OR10J1: variants seen among roughly 807,000 people sequenced by gnomAD.
OR10J1 encodes the protein olfactory receptor family 10 subfamily J member 1.
For synonymous variants in OR10J1, 202 were observed against 143.8 expected (o/e 1.40, Z -2.89); for missense variants, 474 against 376.6 (o/e 1.26, Z -2.14).
upstream of OR10J1, among the ~76,000 whole-genome samples, chr1:159,433,942 A>T (rs1655662714): frequency 6.6e-6 from 1 of 152,220 alleles, no homozygotes; most frequent in Non-Finnish European, 1.5e-5. Flanking sequence ...GTGAGAAGCT[A>T]AAATACATTA....
chr1:159,440,272 AC>A lies in OR10J1; in HGVS notation c.482del (p.Thr161AsnfsTer23), dbSNP rs1329745997. The A allele has an allele frequency of 3.1e-6, 5 of 1,614,010 alleles. No individual in the cohort carries two copies. The South Asian group carries it at 5.5e-5, about 18-fold the overall frequency. On this transcript the variant is annotated frameshift_variant, in exon 1 of 1. Transcript: ENST00000423932. LOFTEE classifies it low-confidence loss of function (END_TRUNC). Reference protein sequence around the residue: ...IGLIVAITQVTSVFRLPFCAR... With the variant: ...IGLIVAITQVXSVFRLPFCAR... ...GCTGATTGTAGCAATAACGCAAGTG[AC>A]ATCTGTATTCAGGTTACCCTTCTGT...
chr1:159,412,373 C>T, the OR10J1 span, among the ~76,000 whole-genome samples: 33 of 142,288 alleles, frequency 2.3e-4, no homozygotes, highest in South Asian at 1.6e-3. Flanking sequence ...GAGCCCGCAT[C>T]GCCAAGTCAA....
chr1:159,418,184 C>G, the OR10J1 span, among the ~76,000 whole-genome samples: 1 of 152,190 alleles, frequency 6.6e-6, no homozygotes, highest in Non-Finnish European at 1.5e-5. Context: ...AGGAGAAATT[C>G]AAGCCAGCTG....
chr1:159,403,141 T>C, the OR10J1 span, among the ~76,000 whole-genome samples: 1 of 152,084 alleles, frequency 6.6e-6, no homozygotes, highest in East Asian at 1.9e-4. Context: ...ATCTAGGGCC[T>C]CAAACCATGA....
At chr1:159,424,450 A>G in the OR10J1 span, among the ~76,000 whole-genome samples, 1 of 147,906 alleles carries the variant, frequency 6.8e-6, no homozygotes, top group Non-Finnish European at 1.5e-5. Context: ...ATAAATATGT[A>G]AATATATAAT....
the OR10J1 span, among the ~76,000 whole-genome samples, chr1:159,401,130 T>C: frequency 1.3e-5 from 2 of 151,318 alleles, no homozygotes; most frequent in African/African-American, 4.9e-5. Flanking sequence ...TTTTCAGCTA[T>C]AAGTGCCTGC....
the OR10J1 span, among the ~76,000 whole-genome samples, chr1:159,431,427 C>T: frequency 6.6e-6 from 1 of 152,344 alleles, no homozygotes; most frequent in East Asian, 1.9e-4. Context: ...AGGAGTGCGC[C>T]TCACACAGCC....
In OR10J1 at chr1:159,440,014, T is replaced by C. The variant is rs765146210; in HGVS notation, c.223T>C (p.Leu75=). ...GTCCACTTCAGAGACTGTATATACA[T>C]TGGTCATTCTCCCAAGAATGCTCTC... ...MLSTSETVYT[L]VILPRMLSSL... is the part of the protein sequence containing the mutation. The change falls in exon 1 of 1, where the codon TTG becomes CTG. Residue 75 remains leucine, a synonymous_variant. Coordinates refer to ENST00000423932, the MANE Select transcript of OR10J1 (RefSeq NM_012351.3). The C allele has an allele frequency of 1.9e-6, 3 of 1,614,172 alleles. No homozygotes were observed. Among genetic ancestry groups the C allele is most frequent in the Non-Finnish European group, 2.5e-6 (3 of 1,180,032 alleles).
the OR10J1 span, among the ~76,000 whole-genome samples, chr1:159,411,300 T>G: frequency 1.3e-5 from 2 of 152,186 alleles, no homozygotes; most frequent in Non-Finnish European, 2.9e-5. Flanking sequence ...CAGTGGAGTG[T>G]TAAAGTCTCC....
chr1:159,417,930 G>A, the OR10J1 span, among the ~76,000 whole-genome samples: 2 of 152,160 alleles, frequency 1.3e-5, no homozygotes, highest in Admixed American at 1.3e-4. Flanking sequence ...TGGAGTAAAG[G>A]TGATTCTTGT....
At chr1:159,411,052 T>C in the OR10J1 span, among the ~76,000 whole-genome samples, 1 of 152,212 alleles carries the variant, frequency 6.6e-6, no homozygotes, top group African/African-American at 2.4e-5. Context: ...GATTGCACTG[T>C]GGTCTGAGAG....
chr1:159,428,572 G>T, the OR10J1 span, among the ~76,000 whole-genome samples: 1 of 152,138 alleles, frequency 6.6e-6, no homozygotes, highest in African/African-American at 2.4e-5. Context: ...AAGACTTGCT[G>T]CCCAACTTTA....
chr1:159,418,476 T>C, the OR10J1 span, among the ~76,000 whole-genome samples: 5 of 152,114 alleles, frequency 3.3e-5, no homozygotes, highest in African/African-American at 1.2e-4. Context: ...GCAGCTGCCA[T>C]GTGGTGTCGA....
Position 159,440,861 on chromosome 1 carries a change from G to C in OR10J1, c.*140G>C. On this transcript the variant is annotated 3_prime_UTR_variant, in exon 1 of 1. Coordinates refer to ENST00000423932, the MANE Select transcript of OR10J1 (RefSeq NM_012351.3). Reference sequence around the variant, plus strand: ...GAGGAATAGCAGTTTCATACAACTGGGAGTCTGAAGCTTTAAATAAAGTTA... The same window carrying C: ...GAGGAATAGCAGTTTCATACAACTGCGAGTCTGAAGCTTTAAATAAAGTTA... 1 of 840,792 alleles carries C rather than the reference G, an allele frequency of 1.2e-6. No homozygotes were observed. Among genetic ancestry groups the C allele is most frequent in the Non-Finnish European group, 1.8e-6 (1 of 557,584 alleles). 52.1% of individuals were successfully genotyped at this position (840,792 alleles called of 1,614,324 possible). A position where few individuals can be genotyped will look rare whatever the true frequency, so the allele number is the denominator to read the frequency against.
chr1:159,436,167 C>T (rs192733797), upstream of OR10J1, among the ~76,000 whole-genome samples: 28 of 151,946 alleles, frequency 1.8e-4, no homozygotes, highest in Non-Finnish European at 1.9e-4. Flanking sequence ...ATCATAAAGT[C>T]TTGAGCTCTT....
the OR10J1 span, among the ~76,000 whole-genome samples, chr1:159,429,088 G>C: frequency 6.6e-6 from 1 of 152,200 alleles, no homozygotes; most frequent in Non-Finnish European, 1.5e-5. Context: ...AAGTTCTGGA[G>C]AGAGAAAGAG....
At chr1:159,413,456 T>C in the OR10J1 span, among the ~76,000 whole-genome samples, 76 of 152,028 alleles carry the variant, frequency 5.0e-4, no homozygotes, top group African/African-American at 1.8e-3. Context: ...CCAACAATGA[T>C]AGATTGGATT....
the OR10J1 span, among the ~76,000 whole-genome samples, chr1:159,430,386 A>C: frequency 2.0e-5 from 3 of 152,248 alleles, no homozygotes; most frequent in South Asian, 6.2e-4. Flanking sequence ...TTCATCTTAC[A>C]AGTGAAGAAA....
At chr1:159,422,916 C>A in the OR10J1 span, among the ~76,000 whole-genome samples, 2 of 152,092 alleles carry the variant, frequency 1.3e-5, no homozygotes, top group Admixed American at 6.5e-5. Flanking sequence ...ACATTGCTTC[C>A]CTCTCTTTCC....
Sources: gnomAD v4.1 joint callset for allele counts (sites outside exome capture counted in the v4.1 genomes callset) on GRCh38, gnomAD v4.1.1 for gene constraint, MANE v1.5 for transcripts, NCBI Gene and HGNC (gene_info 2026-07-23, HGNC 2026-07-21) for gene names.